Variants in PARD3 observed in about 807,000 individuals in gnomAD.
PARD3 encodes the protein partitioning defective 3 homolog.
In PARD3, 75 loss-of-function variants were observed where a neutral mutation model predicts 155.4. That is an observed-to-expected ratio of 0.48 (90% CI 0.40 to 0.58). The LOEUF is 0.58. Ranked by LOEUF, PARD3 falls within the 20% of genes least tolerant of loss-of-function variation. PARD3 has a pLI of 0.00. For synonymous variants in PARD3, 576 were observed against 610.5 expected (o/e 0.94, Z 0.83); for missense variants, 1,642 against 1,721.7 (o/e 0.95, Z 0.82).
intron 2 of PARD3, among the ~76,000 whole-genome samples, chr10:34,547,154 G>T (rs1161624487): frequency 1.3e-5 from 2 of 152,180 alleles, no homozygotes; most frequent in East Asian, 3.8e-4. Flanking sequence ...AAGCTAGAGG[G>T]ATACTCCCTT....
At chr10:34,747,205 T>C (rs997026819) in intron 1 of PARD3, among the ~76,000 whole-genome samples, 2 of 152,194 alleles carry the variant, frequency 1.3e-5, no homozygotes. Context: ...TTTTTTGGCT[T>C]TTTTTCTTTT....
At chr10:34,524,868 C>T (rs1157138454) in intron 2 of PARD3, among the ~76,000 whole-genome samples, 2 of 152,270 alleles carry the variant, frequency 1.3e-5, no homozygotes, top group East Asian at 3.9e-4. Flanking sequence ...TCAAAGAGAA[C>T]ATGGTAAGAC....
chr10:34,447,404 C>A (rs1003164330), intron 5 of PARD3, among the ~76,000 whole-genome samples: 1 of 143,576 alleles, frequency 7.0e-6, no homozygotes, highest in Admixed American at 7.5e-5. Context: ...CTGCTTGAAC[C>A]CAGGAGGTAG....
intron 1 of PARD3, among the ~76,000 whole-genome samples, chr10:34,765,875 C>T (rs1591013620): frequency 6.6e-6 from 1 of 152,154 alleles, no homozygotes; most frequent in African/African-American, 2.4e-5. Context: ...CTCATTCAAT[C>T]CTAAAAGTAA....
intron 18 of PARD3, among the ~76,000 whole-genome samples, chr10:34,335,955 A>G (rs1266539154): frequency 6.6e-6 from 1 of 152,090 alleles, no homozygotes; most frequent in Non-Finnish European, 1.5e-5. Context: ...AATTAAGAAA[A>G]TCTAGGTTGT....
At chr10:34,200,911 G>A (rs1427494476) in intron 22 of PARD3, among the ~76,000 whole-genome samples, 2 of 152,194 alleles carry the variant, frequency 1.3e-5, no homozygotes, top group Non-Finnish European at 2.9e-5. Flanking sequence ...AAACAGGGAA[G>A]ACACTGAACA....
chr10:34,547,003 A>G (rs1395581217), intron 2 of PARD3, among the ~76,000 whole-genome samples: 1 of 152,252 alleles, frequency 6.6e-6, no homozygotes, highest in Admixed American at 6.5e-5. Flanking sequence ...GCTCACTCTA[A>G]CAAGTTATTT....
intron 2 of PARD3, among the ~76,000 whole-genome samples, chr10:34,691,031 A>G (rs2094049700): frequency 1.3e-5 from 2 of 152,152 alleles, no homozygotes; most frequent in African/African-American, 4.8e-5. Context: ...TTGGCAACAC[A>G]ATGAGACCCT....
At chr10:34,193,823 T>C (rs558685529) in intron 22 of PARD3, among the ~76,000 whole-genome samples, 17 of 152,298 alleles carry the variant, frequency 1.1e-4, no homozygotes, top group African/African-American at 3.6e-4. Context: ...GAAAATTCAG[T>C]TGGCTATTTT....
At chr10:34,738,344 G>A (rs546213668) in intron 1 of PARD3, among the ~76,000 whole-genome samples, 5 of 152,232 alleles carry the variant, frequency 3.3e-5, no homozygotes, top group South Asian at 2.1e-4. Flanking sequence ...TCCCATTTTC[G>A]TTTGTATTTT....
At chr10:34,742,500 C>T (rs1218680755) in intron 1 of PARD3, among the ~76,000 whole-genome samples, 2 of 152,220 alleles carry the variant, frequency 1.3e-5, no homozygotes, top group Non-Finnish European at 2.9e-5. Context: ...ACAGACCCTA[C>T]AGGCCAAGTT....
At chr10:34,600,934 C>T (rs901693943) in intron 2 of PARD3, among the ~76,000 whole-genome samples, 13 of 150,714 alleles carry the variant, frequency 8.6e-5, no homozygotes, top group East Asian at 2.0e-4. Context: ...ACCACAAGCA[C>T]GTGCCACCAT....
chr10:34,116,592 T>G (rs1190410895), intron 24 of PARD3, among the ~76,000 whole-genome samples: 1 of 152,144 alleles, frequency 6.6e-6, no homozygotes, highest in Non-Finnish European at 1.5e-5. Flanking sequence ...GAACGCAGGG[T>G]TCTATGTTCC....
chr10:34,212,150 T>C (rs1951786115), intron 22 of PARD3, among the ~76,000 whole-genome samples: 1 of 152,142 alleles, frequency 6.6e-6, no homozygotes, highest in African/African-American at 2.4e-5. Flanking sequence ...CTAATTTAAC[T>C]GATGATGCTA....
chr10:34,573,512 G>T (rs2086603183), intron 2 of PARD3, among the ~76,000 whole-genome samples: 1 of 152,030 alleles, frequency 6.6e-6, no homozygotes, highest in Non-Finnish European at 1.5e-5. Context: ...GATCAGCCTG[G>T]GCAACATGGT....
At chr10:34,575,791 G>A (rs2086836891) in intron 2 of PARD3, among the ~76,000 whole-genome samples, 1 of 152,138 alleles carries the variant, frequency 6.6e-6, no homozygotes, top group African/African-American at 2.4e-5. Context: ...AGCTACTCAG[G>A]AGGCTGAGGC....
chr10:34,180,131 T>A (rs1950206306), intron 22 of PARD3, among the ~76,000 whole-genome samples: 1 of 152,036 alleles, frequency 6.6e-6, no homozygotes, highest in Non-Finnish European at 1.5e-5. Flanking sequence ...CACTGCAACC[T>A]CCCCGTCCCG....
intron 1 of PARD3, among the ~76,000 whole-genome samples, chr10:34,754,020 A>T (rs981066201): frequency 5.5e-5 from 8 of 145,882 alleles, no homozygotes; most frequent in Admixed American, 3.4e-4. Flanking sequence ...GGTTTTATTT[A>T]TTTTTTTTTT....
At chr10:34,427,723 CG>C (rs2075693234) in intron 5 of PARD3, among the ~76,000 whole-genome samples, 1 of 151,978 alleles carries the variant, frequency 6.6e-6, no homozygotes, top group African/African-American at 2.4e-5. Flanking sequence ...CGGAACCTGC[CG>C]ACATGTGATG....
Sources: gnomAD v4.1 joint callset for allele counts (sites outside exome capture counted in the v4.1 genomes callset) on GRCh38, gnomAD v4.1.1 for gene constraint, MANE v1.5 for transcripts, NCBI Gene and HGNC (gene_info 2026-07-23, HGNC 2026-07-21) for gene names.